RGS6: variants seen among roughly 807,000 people sequenced by gnomAD.
RGS6 encodes the protein regulator of G-protein signaling 6.
Under a neutral mutation model 78.5 loss-of-function variants are expected in RGS6, and 30 were observed. That is an observed-to-expected ratio of 0.38 (90% CI 0.29 to 0.52). The LOEUF is 0.52. Ranked by LOEUF, RGS6 falls within the 20% of genes least tolerant of loss-of-function variation. The probability of loss-of-function intolerance (pLI) is 0.85; values close to 1 mark genes in which losing one functional copy is unlikely to be tolerated. For missense variants in RGS6, 495 were observed against 609.7 expected (o/e 0.81, Z 1.98); for synonymous variants, 206 against 206.0 (o/e 1.00, Z 0.00).
At chr14:72,556,228 T>A (rs1366909402) in intron 17 of RGS6, among the ~76,000 whole-genome samples, 4 of 152,214 alleles carry the variant, frequency 2.6e-5, no homozygotes, top group Admixed American at 2.0e-4. Context: ...CAGTTCCACA[T>A]GGCTGGGGAA....
At chr14:72,433,766 A>G (rs1253891840) in intron 3 of RGS6, among the ~76,000 whole-genome samples, 1 of 152,090 alleles carries the variant, frequency 6.6e-6, no homozygotes. Context: ...GCCACTTACT[A>G]CAGACCATGT....
chr14:72,091,907 A>G (rs374947699), intron 2 of RGS6, among the ~76,000 whole-genome samples: 5 of 152,262 alleles, frequency 3.3e-5, no homozygotes, highest in African/African-American at 9.6e-5. Flanking sequence ...ATTTTCCAGA[A>G]TAAGTCAGAT....
intron 11 of RGS6, 62 bp from the exon 12 acceptor site, chr14:72,478,205 TG>T: frequency 8.0e-7 from 1 of 1,252,310 alleles, no homozygotes; most frequent in Non-Finnish European, 1.2e-6. Context: ...TTTGGGTTTG[TG>T]GAGCGAGGGG....
At chr14:72,475,138 G>A (rs1056762279) in intron 10 of RGS6, among the ~76,000 whole-genome samples, 3 of 151,904 alleles carry the variant, frequency 2.0e-5, no homozygotes, top group African/African-American at 7.3e-5. Flanking sequence ...AGCAAGAAGT[G>A]GCAAAGCTCA....
chr14:72,567,047 C>T (rs1010377816), downstream of RGS6, among the ~76,000 whole-genome samples: 3 of 152,134 alleles, frequency 2.0e-5, no homozygotes, highest in Non-Finnish European at 4.4e-5. Flanking sequence ...GGAGGATGAG[C>T]GCAAGGTAAA....
the RGS6 span, among the ~76,000 whole-genome samples, chr14:71,894,735 A>G: frequency 1.3e-5 from 2 of 152,246 alleles, no homozygotes; most frequent in African/African-American, 2.4e-5. Flanking sequence ...TTGAGTTTAC[A>G]GAATAGAATA....
At chr14:71,882,049 C>T in the RGS6 span, among the ~76,000 whole-genome samples, 46,509 of 151,982 alleles carry the variant, frequency 0.31, 7,478 homozygotes, top group South Asian at 0.43. Context: ...ACCATATATC[C>T]CCAGAACTTT....
At chr14:72,602,487 C>G in the RGS6 span, among the ~76,000 whole-genome samples, 1 of 152,160 alleles carries the variant, frequency 6.6e-6, no homozygotes, top group Non-Finnish European at 1.5e-5. Context: ...CACAGGTCAT[C>G]CAGCCTGTGA....
chr14:72,409,555 AT>A (rs79864338), intron 3 of RGS6, among the ~76,000 whole-genome samples: 6,913 of 150,590 alleles, frequency 0.046, 404 homozygotes, highest in East Asian at 0.34. Context: ...GCAACTGCCT[AT>A]TTTTTTTTAA....
At chr14:72,462,578 A>G (rs538598401) in intron 6 of RGS6, among the ~76,000 whole-genome samples, 6 of 152,382 alleles carry the variant, frequency 3.9e-5, no homozygotes, top group South Asian at 4.1e-4. Context: ...AGTGGGCTCA[A>G]TGGAAGCAGT....
intron 2 of RGS6, among the ~76,000 whole-genome samples, chr14:72,192,695 C>A (rs1014889362): frequency 5.3e-5 from 8 of 152,294 alleles, no homozygotes; most frequent in Admixed American, 4.6e-4. Flanking sequence ...AAATAAAAGG[C>A]AATAAAATAA....
the RGS6 span, among the ~76,000 whole-genome samples, chr14:71,880,674 C>T: frequency 2.0e-5 from 3 of 152,250 alleles, no homozygotes; most frequent in South Asian, 2.1e-4. Flanking sequence ...TTGGGAACCT[C>T]TGTCTTGATT....
chr14:72,333,057 C>G lies in RGS6; in HGVS notation c.85-19038C>G, dbSNP rs574140308. 6.6e-5 allele frequency among the ~76,000 whole-genome samples: 10 copies of G among 152,332 alleles called. No homozygotes were observed. In the East Asian group the frequency reaches 1.9e-3, roughly 29 times the overall value. On this transcript the variant is annotated intron_variant, in intron 2 of 17. Transcript: ENST00000553525. ...GGAGAACACAGCAGTGGGCATTTCACACGCATAATCTCACCACAGGGGGCC... is the reference window on the plus strand; with the variant it reads ...GGAGAACACAGCAGTGGGCATTTCAGACGCATAATCTCACCACAGGGGGCC...
intron 2 of RGS6, among the ~76,000 whole-genome samples, chr14:71,973,369 T>TG (rs1276360374): frequency 6.4e-5 from 9 of 141,526 alleles, no homozygotes; most frequent in Non-Finnish European, 1.3e-4. Context: ...TTTTTTTCAC[T>TG]CTTTTTTTTT....
intron 2 of RGS6, among the ~76,000 whole-genome samples, chr14:72,089,348 C>T (rs1394742520): frequency 1.3e-5 from 2 of 152,196 alleles, no homozygotes; most frequent in Admixed American, 6.5e-5. Flanking sequence ...TGCACATCAC[C>T]TGGATGGCAT....
At chr14:72,253,327 T>C (rs2056291263) in intron 2 of RGS6, among the ~76,000 whole-genome samples, 1 of 152,212 alleles carries the variant, frequency 6.6e-6, no homozygotes, top group Admixed American at 6.5e-5. Context: ...AAATAAAGCT[T>C]TCTTTGTAGT....
chr14:71,955,864 C>G (rs779276049), intron 1 of RGS6, among the ~76,000 whole-genome samples: 19 of 152,088 alleles, frequency 1.2e-4, no homozygotes, highest in Non-Finnish European at 2.1e-4. Context: ...GATGGAGTTG[C>G]TCTGGTTCAA....
intron 2 of RGS6, among the ~76,000 whole-genome samples, chr14:72,100,802 AT>A (rs1297890349): frequency 2.0e-5 from 3 of 152,192 alleles, no homozygotes; most frequent in Non-Finnish European, 4.4e-5. Flanking sequence ...TAATGTTTGA[AT>A]TTCATCTCCA....
chr14:72,319,607 C>T (rs1489910340), intron 2 of RGS6, among the ~76,000 whole-genome samples: 2 of 151,836 alleles, frequency 1.3e-5, no homozygotes, highest in Admixed American at 1.3e-4. Context: ...TCCCAAAGTT[C>T]TGGGATTACA....
Sources: gnomAD v4.1 joint callset for allele counts (sites outside exome capture counted in the v4.1 genomes callset) on GRCh38, gnomAD v4.1.1 for gene constraint, MANE v1.5 for transcripts, NCBI Gene and HGNC (gene_info 2026-07-23, HGNC 2026-07-21) for gene names.